The following SUSD1 variants were observed in gnomAD, a reference collection of about 807,000 sequenced individuals.
SUSD1 encodes the protein sushi domain-containing protein 1.
A neutral mutation model predicts 86.9 loss-of-function variants in SUSD1; 65 were observed. The ratio of observed to expected loss-of-function variants is 0.75; its 90% confidence interval spans 0.61 to 0.92. The LOEUF (loss-of-function observed/expected upper bound fraction) is 0.92. SUSD1 is among the 40% of genes least tolerant of loss of function. The probability of loss-of-function intolerance (pLI) is 0.00; values close to 1 mark genes in which losing one functional copy is unlikely to be tolerated. For missense variants in SUSD1, 850 were observed against 929.7 expected, an observed-to-expected ratio of 0.91 and a Z score of 1.11; for synonymous variants, 346 against 350.0, an observed-to-expected ratio of 0.99 and a Z score of 0.13.
At chr9:112,156,420 C>A (rs1042082704) in intron 2 of SUSD1, among the ~76,000 whole-genome samples, 2 of 151,652 alleles carry the variant, frequency 1.3e-5, no homozygotes, top group African/African-American at 4.8e-5. Flanking sequence ...CAAGATCGCA[C>A]CACTGCACTC....
chr9:112,094,282 C>T (rs988427367), intron 10 of SUSD1, among the ~76,000 whole-genome samples: 1 of 152,130 alleles, frequency 6.6e-6, no homozygotes, highest in Admixed American at 6.5e-5. Context: ...GATTAGCTTG[C>T]CAAAATTCCA....
chr9:112,172,209 A>G (rs1834075015), intron 1 of SUSD1, among the ~76,000 whole-genome samples: 1 of 151,950 alleles, frequency 6.6e-6, no homozygotes, highest in African/African-American at 2.4e-5. Context: ...AAAAAAAAAA[A>G]AAGAGTATCT....
intron 12 of SUSD1, among the ~76,000 whole-genome samples, chr9:112,076,508 G>A (rs925945819): frequency 3.3e-5 from 5 of 152,184 alleles, no homozygotes; most frequent in Non-Finnish European, 4.4e-5. Flanking sequence ...GGTGGAAACC[G>A]ATTTGGGGGC....
chr9:112,116,216 G>A (rs867267819), intron 6 of SUSD1, among the ~76,000 whole-genome samples: 8 of 152,116 alleles, frequency 5.3e-5, no homozygotes, highest in Admixed American at 4.6e-4. Context: ...TATGACAACT[G>A]TAAATGGCAT....
rs1779018071 is a variant in SUSD1, at chr9:112,149,274, A to G, written c.343T>C (p.Phe115Leu). 1.2e-6 allele frequency: 2 copies of G among 1,614,008 alleles called. No individual in the cohort carries two copies. The highest frequency in any genetic ancestry group is 1.7e-6 in the Non-Finnish European group (2 of 1,180,012). ...GYRATNNNKT[F>L]IPNDGTFCTD... ...CAAAAGGTGCCATCGTTGGGAATGA[A>G]TGTCTTGTTGTTGTTTGTGGCTCGA... is the stretch of plus-strand genomic sequence containing the variant. The change falls in exon 3 of 17, where the codon TTC becomes CTC. Residue 115 changes from phenylalanine to leucine, a missense_variant. Phe to Leu is a conservative substitution (Grantham distance 22). Transcript: ENST00000374270.
At chr9:112,068,981 C>T (rs1829122237) in intron 12 of SUSD1, among the ~76,000 whole-genome samples, 1 of 152,082 alleles carries the variant, frequency 6.6e-6, no homozygotes, top group Admixed American at 6.6e-5. Context: ...ACTTCTAGGT[C>T]TGTTCAGGTT....
At chr9:112,122,389 G>A (rs1197406941) in intron 6 of SUSD1, among the ~76,000 whole-genome samples, 2 of 151,820 alleles carry the variant, frequency 1.3e-5, no homozygotes, top group African/African-American at 4.8e-5. Flanking sequence ...TGAACTCCTG[G>A]GCTCAAGCAA....
At chr9:112,121,848 A>G (rs1831568114) in intron 6 of SUSD1, among the ~76,000 whole-genome samples, 1 of 152,218 alleles carries the variant, frequency 6.6e-6, no homozygotes, top group Admixed American at 6.5e-5. Flanking sequence ...AATGGTAAGA[A>G]TCATTGCCTT....
intron 12 of SUSD1, among the ~76,000 whole-genome samples, chr9:112,068,876 C>T (rs567492002): frequency 7.2e-5 from 11 of 152,058 alleles, no homozygotes; most frequent in East Asian, 5.8e-4. Context: ...AGGGAACAAA[C>T]GGAAACCTTG....
chr9:112,082,123 A>G (rs1244748449), intron 10 of SUSD1, among the ~76,000 whole-genome samples: 1 of 152,210 alleles, frequency 6.6e-6, no homozygotes, highest in Non-Finnish European at 1.5e-5. Flanking sequence ...GGCAAGAAAA[A>G]AAAATGAGCT....
chr9:112,058,261 T>C (rs1828540190), intron 14 of SUSD1, among the ~76,000 whole-genome samples, 167 bp downstream of exon 14: 1 of 152,366 alleles, frequency 6.6e-6, no homozygotes, highest in Non-Finnish European at 1.5e-5. Context: ...ATATCATCTG[T>C]AAGGGTTTCA....
At position 112,111,860 on chromosome 9, in the gene SUSD1, G is replaced by A. The variant is rs370463952; in HGVS notation, c.985-20C>T. ...GGATATCTTTGAGAGGAAAAGACAA[G>A]AGAACCCACTCTGACTCCAGTCAAA... is the stretch of plus-strand genomic sequence containing the variant. On this transcript the variant is annotated intron_variant, in intron 7 of 16. Coordinates refer to ENST00000374270, the MANE Select transcript of SUSD1 (RefSeq NM_022486.5). 2.5e-6 allele frequency: 4 copies of A among 1,611,842 alleles called. No individual in the cohort carries two copies. Among genetic ancestry groups the A allele is most frequent in the African/African-American group, 2.7e-5 (2 of 74,856 alleles).
At chr9:112,044,368 T>C (rs1332581405) in intron 15 of SUSD1, among the ~76,000 whole-genome samples, 1 of 152,222 alleles carries the variant, frequency 6.6e-6, no homozygotes, top group African/African-American at 2.4e-5. Context: ...ATCCATTCTG[T>C]GTCTCAGTCC....
chr9:112,096,982 C>G (rs778892413), intron 10 of SUSD1, among the ~76,000 whole-genome samples: 2 of 151,912 alleles, frequency 1.3e-5, no homozygotes, highest in African/African-American at 4.8e-5. Context: ...GCAAACTCTG[C>G]TGATACAGAC....
At chr9:112,112,400 C>T (rs1295544794) in intron 7 of SUSD1, among the ~76,000 whole-genome samples, 2 of 152,024 alleles carry the variant, frequency 1.3e-5, no homozygotes, top group African/African-American at 4.8e-5. Context: ...TCTGGGAGGC[C>T]GAGGTAGGTG....
At chr9:112,043,156 CA>C (rs1252943614) in intron 15 of SUSD1, among the ~76,000 whole-genome samples, 2 of 152,188 alleles carry the variant, frequency 1.3e-5, no homozygotes, top group African/African-American at 4.8e-5. Context: ...ACTGCCTTTG[CA>C]AGACTAACAA....
rs371837974 is a variant in SUSD1, at chr9:112,143,466, C to T, written c.526+5G>A. ...GAGATGCCGCAATTTTTGGCAGAAA[C>T]CCACCTGTGCATGATGTGGCATCGG... On this transcript the variant is annotated splice_donor_5th_base_variant and intron_variant, in intron 4 of 16. Coordinates refer to ENST00000374270, the MANE Select transcript of SUSD1 (RefSeq NM_022486.5). 8 of 1,609,076 alleles carry T rather than the reference C, an allele frequency of 5.0e-6. No individual in the cohort carries two copies. In the African/African-American group the frequency reaches 1.1e-4, roughly 22 times the overall value.
chr9:112,130,260 C>T (rs1353569986), intron 5 of SUSD1, among the ~76,000 whole-genome samples: 1 of 152,110 alleles, frequency 6.6e-6, no homozygotes, highest in Non-Finnish European at 1.5e-5. Flanking sequence ...GTAATCCCAG[C>T]TACCTGGTAG....
chr9:112,092,643 A>G (rs1443265195), intron 10 of SUSD1, among the ~76,000 whole-genome samples: 1 of 152,144 alleles, frequency 6.6e-6, no homozygotes, highest in African/African-American at 2.4e-5. Flanking sequence ...CGTCTAACCT[A>G]TTATCGTTTA....
Sources: allele counts gnomAD v4.1 joint callset (sites outside exome capture counted in the v4.1 genomes callset), GRCh38; gene constraint gnomAD v4.1.1; transcripts MANE v1.5; gene names NCBI Gene and HGNC (gene_info 2026-07-23, HGNC 2026-07-21).